GIGYF2: variants seen among roughly 807,000 people sequenced by gnomAD.
GIGYF2 encodes GRB10-interacting GYF protein 2.
A neutral mutation model predicts 208.1 loss-of-function variants in GIGYF2; 25 were observed. The ratio of observed to expected loss-of-function variants is 0.12; its 90% CI spans 0.09 to 0.17. The LOEUF is 0.17. Ranked by LOEUF, GIGYF2 falls within the 10% of genes least tolerant of loss-of-function variation. The pLI is 1.00. For synonymous variants in GIGYF2, 534 were observed against 543.8 expected (o/e 0.98, Z 0.25); for missense variants, 1,302 against 1,579.4 (o/e 0.82, Z 2.98).
At chr2:232,794,692 G>A (rs1440083400) in intron 12 of GIGYF2, 56 bp from the exon 13 acceptor site, 3 of 1,327,160 alleles carry the variant, frequency 2.3e-6, no homozygotes, top group Non-Finnish European at 3.3e-6. Context: ...AATGTAGTTA[G>A]CCTTCACAGA....
intron 9 of GIGYF2, among the ~76,000 whole-genome samples, chr2:232,790,008 G>T (rs1226171561): frequency 6.6e-6 from 1 of 152,076 alleles, no homozygotes; most frequent in Non-Finnish European, 1.5e-5. Flanking sequence ...AAGCAGCAGA[G>T]GGTGCAGAAT....
intron 4 of GIGYF2, among the ~76,000 whole-genome samples, chr2:232,748,126 C>A (rs947806956): frequency 6.6e-6 from 1 of 152,136 alleles, no homozygotes. Context: ...AGGAGGAGCA[C>A]CTTCGGCTAT....
rs1285840510 is a variant in GIGYF2 at position 232,860,460 on chromosome 2, T to G, written c.*3600T>G. On this transcript the variant is annotated 3_prime_UTR_variant, in exon 29 of 29. Transcript: ENST00000373563. Reference sequence around the variant, plus strand: ...TCAATATATATATAATATATACATATATGTTATATACGTATATATATTGCA... The same window carrying G: ...TCAATATATATATAATATATACATAGATGTTATATACGTATATATATTGCA... 6.7e-6 allele frequency: 1 copy of G among 149,798 alleles called. No individual in the cohort carries two copies. Among genetic ancestry groups the G allele is most frequent in the Non-Finnish European group, 1.5e-5 (1 of 67,582 alleles). 9.3% of individuals were successfully genotyped at this position (149,798 alleles called of 1,614,324 possible). A position where few individuals can be genotyped will look rare whatever the true frequency, so the allele number is the denominator to read the frequency against.
intron 8 of GIGYF2, chr2:232,771,169 A>G: frequency 6.2e-7 from 1 of 1,614,008 alleles, no homozygotes; most frequent in Non-Finnish European, 8.5e-7. Flanking sequence ...CCAGTGGACA[A>G]CAAAAGAAGC....
intron 8 of GIGYF2, among the ~76,000 whole-genome samples, chr2:232,770,098 A>G (rs2293781): frequency 0.048 from 7,256 of 152,268 alleles, 268 homozygotes; most frequent in East Asian, 0.17. Flanking sequence ...CTGACCCAGT[A>G]TAGGAACTCT....
Position 232,787,322 on chromosome 2 carries a change from C to A in GIGYF2, c.705C>A (p.His235Gln), listed in dbSNP as rs759776127. 1 of 1,613,598 alleles carries A rather than the reference C, an allele frequency of 6.2e-7. No homozygotes were observed. The highest frequency in any genetic ancestry group is 2.2e-5 in the East Asian group (1 of 44,850). ...GGGATGGAGAGAGGTGGCGACCTCACAGTCCTGGTAAGAATTCTGTTGAGT... is the reference window on the plus strand; with the variant it reads ...GGGATGGAGAGAGGTGGCGACCTCAAAGTCCTGGTAAGAATTCTGTTGAGT... ...SRRDGERWRP[H>Q]SPDGPRSAGW... The change falls in exon 9 of 29, where the codon CAC (histidine) becomes CAA (glutamine). Residue 235 changes from histidine (H) to glutamine (Q), a missense_variant. His to Gln is a conservative substitution (Grantham distance 24, BLOSUM62 0). This residue lies in a region of GIGYF2 where 189 missense variants were observed against 257.7 expected (regional missense o/e 0.73). Coordinates refer to ENST00000373563, the MANE Select transcript of GIGYF2 (RefSeq NM_001103146.3).
chr2:232,746,329 CATATTA>C (rs1302140976), intron 3 of GIGYF2, among the ~76,000 whole-genome samples: 6 of 152,116 alleles, frequency 3.9e-5, no homozygotes, highest in African/African-American at 1.4e-4. Flanking sequence ...ACTTGGCCTT[CATATTA>C]ATATTTAATG....
rs1701907335 is a variant in GIGYF2, at chr2:232,843,886, T to C, written c.2890-160T>C. On this transcript the variant is annotated intron_variant, in intron 23 of 28. Coordinates refer to ENST00000373563, the MANE Select transcript of GIGYF2 (RefSeq NM_001103146.3). Reference sequence around the variant, plus strand: ...ATGTTTTTATTCTCCTTTTTAATACTGTTAGCGATTTACATTTTTATTTGC... The same window carrying C: ...ATGTTTTTATTCTCCTTTTTAATACCGTTAGCGATTTACATTTTTATTTGC... The C allele has an allele frequency of 4.3e-6, 3 of 689,770 alleles. No homozygotes were observed. The South Asian group carries it at 5.0e-5, about 11-fold the overall frequency. 42.7% of individuals were successfully genotyped at this position (689,770 alleles called of 1,614,324 possible).
intron 20 of GIGYF2, among the ~76,000 whole-genome samples, chr2:232,817,995 G>C (rs1241886600): frequency 6.6e-6 from 1 of 152,152 alleles, no homozygotes. Flanking sequence ...ACAAGGCACA[G>C]CTGTTCCCAG....
chr2:232,845,699 G>T, intron 25 of GIGYF2, 33 bp from the exon 26 acceptor site: 3 of 1,543,604 alleles, frequency 1.9e-6, no homozygotes, highest in Non-Finnish European at 2.7e-6. Flanking sequence ...ACAGTTTCTG[G>T]GAATATAATA....
chr2:232,797,183 G>A (rs1190776793), intron 14 of GIGYF2, among the ~76,000 whole-genome samples: 1 of 151,966 alleles, frequency 6.6e-6, no homozygotes, highest in East Asian at 1.9e-4. Flanking sequence ...GAAGATTTGT[G>A]TGGTGTGTAA....
chr2:232,749,026 C>A lies in GIGYF2; in HGVS notation c.211C>A (p.Leu71Ile), dbSNP rs1393850354. The A allele has an allele frequency of 1.5e-5, 24 of 1,605,996 alleles. No homozygotes were observed. Among genetic ancestry groups the A allele is most frequent in the Non-Finnish European group, 1.9e-5 (22 of 1,172,792 alleles). ...TCTGGATAAAGAATTTCTGCCTATC[C>A]TCCAGGAGGAACCCCTTCCACCATT... is the stretch of plus-strand genomic sequence containing the variant. ...DLLDKEFLPI[L>I]QEEPLPPLAL... Residue 71 changes from leucine (L) to isoleucine (I), a missense_variant, in exon 5 of 29, where the codon CTC (leucine) becomes ATC (isoleucine). Leu to Ile is a conservative substitution (Grantham distance 5). This residue lies in a region of GIGYF2 where 189 missense variants were observed against 257.7 expected (regional missense o/e 0.73). Transcript: ENST00000373563.
chr2:232,730,309 A>G (rs996379948), intron 2 of GIGYF2: 9 of 574,970 alleles, frequency 1.6e-5, no homozygotes, highest in East Asian at 6.6e-5. Flanking sequence ...TTCTTCAGAA[A>G]TCTTTACTTT....
At chr2:232,811,075 G>A in intron 16 of GIGYF2, 169 bp from the exon 17 acceptor site, 1 of 583,642 alleles carries the variant, frequency 1.7e-6, no homozygotes, top group Non-Finnish European at 3.0e-6. Context: ...ATGAAGCATA[G>A]AATTTTCTAT....
intron 20 of GIGYF2, among the ~76,000 whole-genome samples, chr2:232,819,193 A>G (rs1403277844): frequency 6.6e-6 from 1 of 152,190 alleles, no homozygotes; most frequent in Non-Finnish European, 1.5e-5. Context: ...ACTACGGTTA[A>G]TTCTTAGAGT....
chr2:232,741,752 C>T (rs554845770), intron 3 of GIGYF2, among the ~76,000 whole-genome samples: 6 of 152,010 alleles, frequency 3.9e-5, no homozygotes, highest in Admixed American at 2.0e-4. Context: ...CCCCTGGCTT[C>T]CATTTTTGTC....
intron 26 of GIGYF2, 47 bp downstream of exon 26, chr2:232,845,933 AC>A (rs1559166934): frequency 1.5e-6 from 2 of 1,326,130 alleles, no homozygotes; most frequent in East Asian, 4.7e-5. Flanking sequence ...ACAGAGCAGG[AC>A]CCACAGAGAG....
At chr2:232,716,136 C>T (rs181343752) in intron 2 of GIGYF2, among the ~76,000 whole-genome samples, 1 of 151,966 alleles carries the variant, frequency 6.6e-6, no homozygotes, top group East Asian at 1.9e-4. Flanking sequence ...GTGAATGTGC[C>T]ACTTTTACAA....
intron 21 of GIGYF2, among the ~76,000 whole-genome samples, chr2:232,825,126 T>A (rs1701210768): frequency 6.6e-6 from 1 of 152,212 alleles, no homozygotes; most frequent in Non-Finnish European, 1.5e-5. Flanking sequence ...ACAAGGAAAT[T>A]AATGTTGTTT....
Sources: allele counts gnomAD v4.1 joint callset (sites outside exome capture counted in the v4.1 genomes callset), GRCh38; gene constraint gnomAD v4.1.1; regional missense constraint gnomAD v4.1.1; transcripts MANE v1.5; gene names NCBI Gene and HGNC (gene_info 2026-07-23, HGNC 2026-07-21).